Variants in KIAA2012 observed in about 807,000 individuals in gnomAD.
The protein encoded by KIAA2012 is uncharacterized protein KIAA2012.
KIAA2012 carries 125 observed loss-of-function variants against 150.6 expected under a neutral mutation model. The ratio of observed to expected loss-of-function variants is 0.83; its 90% CI spans 0.72 to 0.96. The LOEUF is 0.96. KIAA2012 is among the 40% of genes least tolerant of loss of function. The pLI is 0.00. For synonymous variants in KIAA2012, 462 were observed against 504.7 expected, an observed-to-expected ratio of 0.92 and a Z score of 1.13; for missense variants, 1,219 against 1,354.9, an observed-to-expected ratio of 0.90 and a Z score of 1.57.
intron 10 of KIAA2012, among the ~76,000 whole-genome samples, chr2:202,111,509 CAAAAAAAAAAAAAAA>C (rs71025277): frequency 1.7e-5 from 1 of 57,626 alleles, no homozygotes; most frequent in Non-Finnish European, 2.9e-5. Context: ...GACTCTGTCT[CAAAAAAAAAAAAAAA>C]AAAAAAAAAA....
intron 18 of KIAA2012, among the ~76,000 whole-genome samples, chr2:202,189,288 A>G (rs1165804018): frequency 6.6e-6 from 1 of 151,640 alleles, no homozygotes; most frequent in Non-Finnish European, 1.5e-5. Context: ...TCAGAGTGAA[A>G]TAGAACCTTT....
chr2:202,129,029 G>A (rs1335921272), intron 12 of KIAA2012, among the ~76,000 whole-genome samples: 2 of 151,914 alleles, frequency 1.3e-5, no homozygotes, highest in Non-Finnish European at 2.9e-5. Flanking sequence ...TCCTGCCAGC[G>A]GCAGGGTCGC....
At chr2:202,089,012 A>C (rs191582506) in intron 2 of KIAA2012, among the ~76,000 whole-genome samples, 58 of 152,240 alleles carry the variant, frequency 3.8e-4, no homozygotes, top group African/African-American at 1.2e-3. Context: ...AAGCTTTCTC[A>C]CAGGCTGTCT....
At chr2:202,176,786 A>G (rs953317343) in intron 15 of KIAA2012, among the ~76,000 whole-genome samples, 1 of 152,232 alleles carries the variant, frequency 6.6e-6, no homozygotes, top group African/African-American at 2.4e-5. Context: ...CCCAGTTAAA[A>G]CAAAAAGATA....
chr2:202,153,782 T>C (rs1691473215), intron 13 of KIAA2012, among the ~76,000 whole-genome samples: 1 of 152,246 alleles, frequency 6.6e-6, no homozygotes, highest in Admixed American at 6.5e-5. Context: ...CTATCTGCTC[T>C]GCCTGGCATA....
intron 12 of KIAA2012, among the ~76,000 whole-genome samples, chr2:202,127,630 C>T (rs920095020): frequency 6.6e-6 from 1 of 152,120 alleles, no homozygotes; most frequent in Non-Finnish European, 1.5e-5. Flanking sequence ...CAGGAGGCCT[C>T]GCAGAAAGCT....
At chr2:202,074,868 A>G in intron 1 of KIAA2012, 23 bp from the exon 2 acceptor site, 1 of 1,527,584 alleles carries the variant, frequency 6.5e-7, no homozygotes. Context: ...TGGCTCCGTC[A>G]AAGTGGCTGC....
chr2:202,082,904 G>A (rs1404467461), intron 2 of KIAA2012, among the ~76,000 whole-genome samples: 1 of 149,942 alleles, frequency 6.7e-6, no homozygotes, highest in Non-Finnish European at 1.5e-5. Context: ...TTATTTGACA[G>A]ATAAAGAAAC....
intron 12 of KIAA2012, among the ~76,000 whole-genome samples, chr2:202,131,232 C>T (rs1441741687): frequency 4.6e-5 from 7 of 152,226 alleles, no homozygotes; most frequent in South Asian, 2.1e-4. Context: ...CTCTGTCTCC[C>T]GGGTTCAAGC....
intron 1 of KIAA2012, among the ~76,000 whole-genome samples, chr2:202,074,059 C>A (rs926859815): frequency 2.0e-5 from 3 of 151,982 alleles, no homozygotes; most frequent in Non-Finnish European, 4.4e-5. Context: ...TCGTGCTCTG[C>A]AGTTGAAATG....
chr2:202,105,535 C>T (rs1233846523), intron 8 of KIAA2012, among the ~76,000 whole-genome samples: 1 of 152,178 alleles, frequency 6.6e-6, no homozygotes, highest in African/African-American at 2.4e-5. Flanking sequence ...CCCGATTGAC[C>T]AGACTTGGGC....
intron 4 of KIAA2012, among the ~76,000 whole-genome samples, chr2:202,097,037 T>G (rs1255415709): frequency 6.6e-6 from 1 of 152,118 alleles, no homozygotes; most frequent in Non-Finnish European, 1.5e-5. Context: ...CAGAGCAGGC[T>G]GCAGGTCACG....
chr2:202,182,105 A>ATTTTTTTTTTTTTT (rs1692132251), intron 15 of KIAA2012, among the ~76,000 whole-genome samples: 2 of 110,600 alleles, frequency 1.8e-5, no homozygotes, highest in Admixed American at 9.0e-5. Flanking sequence ...TTTTTTCTTT[A>ATTTTTTTTTTTTTT]TTCTTTTTTT....
chr2:202,148,311 C>T (rs1691343601), intron 13 of KIAA2012, among the ~76,000 whole-genome samples: 1 of 152,194 alleles, frequency 6.6e-6, no homozygotes, highest in African/African-American at 2.4e-5. Flanking sequence ...TGTTTGCTAG[C>T]TGTTCGGCTA....
chr2:202,159,206 G>C (rs558839558), intron 14 of KIAA2012, among the ~76,000 whole-genome samples: 1 of 152,306 alleles, frequency 6.6e-6, no homozygotes, highest in East Asian at 1.9e-4. Context: ...TCCAAAGATG[G>C]AGCAGGGTGC....
intron 15 of KIAA2012, chr2:202,178,593 G>A (rs1009415718): frequency 6.6e-6 from 1 of 152,550 alleles, no homozygotes; most frequent in Non-Finnish European, 1.5e-5. Flanking sequence ...GAAGAGCAGT[G>A]AAAGTCTTCA....
chr2:202,187,903 A>G (rs1692261351), intron 17 of KIAA2012, among the ~76,000 whole-genome samples: 1 of 152,242 alleles, frequency 6.6e-6, no homozygotes, highest in African/African-American at 2.4e-5. Flanking sequence ...GAAAGGAGGC[A>G]GACCATAAGT....
chr2:202,089,651 T>C (rs971698770), intron 2 of KIAA2012, among the ~76,000 whole-genome samples: 2 of 152,180 alleles, frequency 1.3e-5, no homozygotes, highest in Admixed American at 1.3e-4. Context: ...ACTGTGTGGA[T>C]CACTTTCATG....
intron 19 of KIAA2012, among the ~76,000 whole-genome samples, chr2:202,193,030 C>T (rs1366556369): frequency 6.6e-6 from 1 of 152,180 alleles, no homozygotes; most frequent in East Asian, 1.9e-4. Context: ...TCAGCTAATC[C>T]TGGCAACAGT....
Sources: allele counts gnomAD v4.1 joint callset (sites outside exome capture counted in the v4.1 genomes callset), GRCh38; gene constraint gnomAD v4.1.1; transcripts MANE v1.5; gene names NCBI Gene and HGNC (gene_info 2026-07-23, HGNC 2026-07-21).